The following PHLDB2 variants were observed in gnomAD, a reference collection of about 807,000 sequenced individuals.
The protein encoded by PHLDB2 is pleckstrin homology-like domain family B member 2.
PHLDB2 carries 71 observed loss-of-function variants against 123.6 expected under a neutral mutation model. The ratio of observed to expected loss-of-function variants is 0.57; its 90% CI spans 0.47 to 0.70. PHLDB2 has a LOEUF of 0.70. Ranked by LOEUF, PHLDB2 falls within the 30% of genes least tolerant of loss-of-function variation. The pLI is 0.00. For synonymous variants in PHLDB2, 547 were observed against 541.6 expected, an observed-to-expected ratio of 1.01 and a Z score of -0.14; for missense variants, 1,446 against 1,519.5, an observed-to-expected ratio of 0.95 and a Z score of 0.80.
chr3:111,915,420 CT>C (rs150723748), intron 3 of PHLDB2: 2,361 of 152,720 alleles, frequency 0.015, 66 homozygotes, highest in African/African-American at 0.053. Context: ...ACATCAATCC[CT>C]TCTTTTTTCT....
At chr3:111,753,874 C>A (rs1305997722) in intron 1 of PHLDB2, among the ~76,000 whole-genome samples, 2 of 152,142 alleles carry the variant, frequency 1.3e-5, no homozygotes, top group Non-Finnish European at 2.9e-5. Flanking sequence ...ATAGGGCTAG[C>A]CAGTTTTCCC....
intron 1 of PHLDB2, among the ~76,000 whole-genome samples, chr3:111,741,816 C>T (rs1182081500): frequency 6.6e-6 from 1 of 152,132 alleles, no homozygotes; most frequent in Non-Finnish European, 1.5e-5. Flanking sequence ...CTACAAGATC[C>T]TTCAGCATGT....
Position 111,834,108 on chromosome 3 carries a change from ATATATGTAATAGAATTATATATATAT to A in PHLDB2, c.-48-11688_-48-11663del, listed in dbSNP as rs1559857909. Among the ~76,000 whole-genome samples, 281 of 91,736 alleles carry A rather than the reference ATATATGTAATAGAATTATATATATAT, an allele frequency of 3.1e-3. 14 individuals are homozygous for A. The highest frequency in any genetic ancestry group is 5.2e-3 in the East Asian group (16 of 3,052). 60.2% of individuals were successfully genotyped at this position (91,736 alleles called of 152,430 possible). A position where few individuals can be genotyped will look rare whatever the true frequency, so the allele number is the denominator to read the frequency against. On this transcript the variant is annotated intron_variant, in intron 1 of 17. Coordinates refer to the PHLDB2 transcript ENST00000393923. ...TATATGTAATAGAATTATATATATTATATATGTAATAGAATTATATATATATTATATGTAATAGAATTATATATATT... is the reference window on the plus strand; with the variant it reads ...TATATGTAATAGAATTATATATATTATATATGTAATAGAATTATATATATT...
chr3:111,732,597 C>T (rs1431590614), exon 1 of PHLDB2: 9 of 1,529,386 alleles, frequency 5.9e-6, no homozygotes, highest in African/African-American at 4.1e-5. Flanking sequence ...AATGTGTCTT[C>T]CCAACATCCC....
At chr3:111,878,868 A>G (rs2065793440) in intron 1 of PHLDB2, among the ~76,000 whole-genome samples, 1 of 152,182 alleles carries the variant, frequency 6.6e-6, no homozygotes, top group South Asian at 2.1e-4. Context: ...TGATTTGCAT[A>G]TGTTGAACCA....
At chr3:111,735,352 T>A (rs536137912) in intron 1 of PHLDB2, among the ~76,000 whole-genome samples, 1 of 152,324 alleles carries the variant, frequency 6.6e-6, no homozygotes, top group South Asian at 2.1e-4. Context: ...ATGAGTAATG[T>A]ACAGCAGAAG....
chr3:111,821,895 G>T lies in PHLDB2; in HGVS notation c.-48-23926G>T, dbSNP rs1484603932. Among the ~76,000 whole-genome samples, 4 of 152,260 alleles carry T rather than the reference G, an allele frequency of 2.6e-5. No individual in the cohort carries two copies. In the East Asian group the frequency reaches 5.8e-4, roughly 22 times the overall value. On this transcript the variant is annotated intron_variant, in intron 1 of 17. Transcript: ENST00000393923. ...GGAAAATACCAGTAACCTAGGGGAG[G>T]CCCAGCAGGCTCTAATGGTCTAATG...
chr3:111,830,545 C>G (rs1361252856), intron 1 of PHLDB2, among the ~76,000 whole-genome samples: 1 of 148,888 alleles, frequency 6.7e-6, no homozygotes, highest in East Asian at 2.0e-4. Flanking sequence ...CGCGGTGGCT[C>G]ACGCCTGTAA....
intron 1 of PHLDB2, among the ~76,000 whole-genome samples, chr3:111,770,051 T>C (rs976858732): frequency 6.6e-6 from 1 of 152,222 alleles, no homozygotes; most frequent in East Asian, 1.9e-4. Flanking sequence ...TAAAATATTT[T>C]AGAGAAAAAG....
chr3:111,968,068 A>G (rs571835661), intron 15 of PHLDB2, among the ~76,000 whole-genome samples: 1 of 152,158 alleles, frequency 6.6e-6, no homozygotes, highest in African/African-American at 2.4e-5. Flanking sequence ...CATGCATGGA[A>G]CGTTTTGCCA....
At chr3:111,885,912 G>A (rs965612894) in intron 2 of PHLDB2, 3 of 373,480 alleles carry the variant, frequency 8.0e-6, no homozygotes, top group Non-Finnish European at 1.4e-5. Flanking sequence ...TCTCCACACT[G>A]TTCATACACA....
intron 1 of PHLDB2, among the ~76,000 whole-genome samples, chr3:111,754,349 T>C (rs1320955054): frequency 6.9e-6 from 1 of 144,288 alleles, no homozygotes; most frequent in Non-Finnish European, 1.5e-5. Flanking sequence ...GTAGCTCTCC[T>C]TGAAGAGGTC....
intron 1 of PHLDB2, among the ~76,000 whole-genome samples, chr3:111,753,783 G>T (rs904850387): frequency 2.0e-5 from 3 of 152,112 alleles, no homozygotes; most frequent in African/African-American, 7.2e-5. Context: ...ATGGTTTTAG[G>T]TCTAACGTTT....
chr3:111,903,332 A>G (rs1023431244), intron 2 of PHLDB2, among the ~76,000 whole-genome samples: 1 of 152,196 alleles, frequency 6.6e-6, no homozygotes, highest in South Asian at 2.1e-4. Context: ...CAACTCCACT[A>G]TACTTAATGT....
intron 1 of PHLDB2, among the ~76,000 whole-genome samples, chr3:111,845,296 A>G (rs902442943): frequency 1.6e-5 from 2 of 125,486 alleles, no homozygotes; most frequent in Non-Finnish European, 3.2e-5. Context: ...TGGAGGTTGC[A>G]GTGAGCCAAG....
At chr3:111,802,629 A>G (rs2061418448) in intron 1 of PHLDB2, among the ~76,000 whole-genome samples, 1 of 152,242 alleles carries the variant, frequency 6.6e-6, no homozygotes, top group African/African-American at 2.4e-5. Context: ...AAATAGTAAA[A>G]TAACAACACT....
intron 1 of PHLDB2, chr3:111,732,818 G>A (rs553682998): frequency 2.7e-5 from 22 of 815,414 alleles, no homozygotes; most frequent in Admixed American, 1.7e-4. Context: ...TGGTAGACCC[G>A]GGTGTGTGTC....
At chr3:111,801,741 A>G (rs1307073364) in intron 1 of PHLDB2, among the ~76,000 whole-genome samples, 1 of 152,252 alleles carries the variant, frequency 6.6e-6, no homozygotes, top group East Asian at 1.9e-4. Flanking sequence ...GACAGACACA[A>G]GAGATCACAT....
chr3:111,968,662 A>C (rs1172304940), intron 15 of PHLDB2, among the ~76,000 whole-genome samples: 1 of 152,200 alleles, frequency 6.6e-6, no homozygotes, highest in Non-Finnish European at 1.5e-5. Flanking sequence ...GACTATCTTT[A>C]AGACTTTGTA....
Sources: gnomAD v4.1 joint callset for allele counts (sites outside exome capture counted in the v4.1 genomes callset) on GRCh38, gnomAD v4.1.1 for gene constraint, MANE v1.5 for transcripts, NCBI Gene and HGNC (gene_info 2026-07-23, HGNC 2026-07-21) for gene names.